Variants in GALNT9 observed in about 807,000 individuals in gnomAD.
GALNT9 encodes polypeptide N-acetylgalactosaminyltransferase 9.
GALNT9 carries 47 observed loss-of-function variants against 63.1 expected under a neutral mutation model. The observed-to-expected ratio is 0.75, with a 90% confidence interval of 0.59 to 0.95. GALNT9 has a LOEUF of 0.95. Ranked by LOEUF, GALNT9 falls within the 40% of genes least tolerant of loss-of-function variation. GALNT9 has a pLI of 0.00. For missense variants in GALNT9, 829 were observed against 874.8 expected (o/e 0.95, Z 0.66); for synonymous variants, 396 against 365.7 (o/e 1.08, Z -0.94).
At position 132,315,256 on chromosome 12, in the gene GALNT9, G is replaced by A. The variant is rs987102581; in HGVS notation, c.238+13710C>T. On this transcript the variant is annotated intron_variant, in intron 1 of 10. Coordinates refer to ENST00000328957, the MANE Select transcript of GALNT9 (RefSeq NM_001122636.2). This position sits in a 1 kb window ranked among gnomAD's most constrained non-coding sequence, Gnocchi z 6.1. ...TGGAGCCTCAGAATATAATCAGGGC[G>A]GCCTCCCCTGTGTCCACTGCAAAGT... Among the ~76,000 whole-genome samples, 1 of 132,480 alleles carries A rather than the reference G, an allele frequency of 7.5e-6. No individual in the cohort carries two copies. The highest frequency in any genetic ancestry group is 2.6e-4 in the South Asian group (1 of 3,798). 86.9% of individuals were successfully genotyped at this position (132,480 alleles called of 152,430 possible).
chr12:132,197,399 AG>A (rs930380091), intron 10 of GALNT9, 146 bp from the exon 11 acceptor site: 4 of 1,233,484 alleles, frequency 3.2e-6, no homozygotes, highest in South Asian at 1.5e-5. Context: ...AGCAGCACCC[AG>A]GGGGGCCGGG....
chr12:132,198,222 C>T (rs147806712), intron 9 of GALNT9, among the ~76,000 whole-genome samples: 2,638 of 152,330 alleles, frequency 0.017, 35 homozygotes, highest in Non-Finnish European at 0.028. Context: ...CCTGGACAGA[C>T]GTCATGAATG....
intron 1 of GALNT9, among the ~76,000 whole-genome samples, chr12:132,312,012 C>T (rs1881832076): frequency 1.3e-5 from 2 of 152,200 alleles, no homozygotes; most frequent in Admixed American, 6.5e-5. Context: ...GTCTCTCTCT[C>T]CCAGCTTCAA....
intron 1 of GALNT9, among the ~76,000 whole-genome samples, chr12:132,311,646 C>T (rs532314088): frequency 6.6e-6 from 1 of 152,334 alleles, no homozygotes; most frequent in East Asian, 1.9e-4. Flanking sequence ...CGTGGGACAG[C>T]GGGCCCTCCC....
chr12:132,300,879 C>T lies in GALNT9; in HGVS notation c.239-14449G>A, dbSNP rs112055684. Among the ~76,000 whole-genome samples, 241 of 152,366 alleles carry T rather than the reference C, an allele frequency of 1.6e-3. 2 individuals are homozygous for T. The highest frequency in any genetic ancestry group is 5.0e-3 in the African/African-American group (208 of 41,584). On this transcript the variant is annotated intron_variant, in intron 1 of 10. Coordinates refer to ENST00000328957, the MANE Select transcript of GALNT9 (RefSeq NM_001122636.2). ...ACTCACTCCCATAACTAACCCACTC[C>T]CACATTAAGGGCATTAACCCCTTGG...
chr12:132,329,257 C>CG lies in GALNT9; in HGVS notation c.-55dup. On this transcript the variant is annotated 5_prime_UTR_variant, in exon 1 of 11. The change abolishes the stop of an existing upstream ORF in the 5' untranslated region. Coordinates refer to ENST00000328957, the MANE Select transcript of GALNT9 (RefSeq NM_001122636.2). ...GCGGGGCATCCCCAGCATCCCCGCC[C>CG]GGGCCTGGGCTTCAGCTTCGGCTTC... The CG allele has an allele frequency of 6.6e-7, 1 of 1,510,652 alleles. No homozygotes were observed. The highest frequency in any genetic ancestry group is 1.4e-5 in the African/African-American group (1 of 71,666). 93.6% of individuals were successfully genotyped at this position (1,510,652 alleles called of 1,614,324 possible).
At chr12:132,203,762 G>A (rs1025139143) in intron 6 of GALNT9, 72 bp from the exon 7 acceptor site, 22 of 1,514,470 alleles carry the variant, frequency 1.5e-5, no homozygotes, top group Non-Finnish European at 1.9e-5. Flanking sequence ...CTAGGGGCCC[G>A]TGAGAGGCCA....
At chr12:132,197,315 C>G in intron 10 of GALNT9, 62 bp from the exon 11 acceptor site, 2 of 1,582,182 alleles carry the variant, frequency 1.3e-6, no homozygotes, top group Non-Finnish European at 1.7e-6. Context: ...CTCCCCCCAC[C>G]TCAGGGAGGC....
chr12:132,219,703 AGGGG>A, intron 6 of GALNT9, among the ~76,000 whole-genome samples: 1 of 145,036 alleles, frequency 6.9e-6, no homozygotes, highest in African/African-American at 2.6e-5. Context: ...CGCCCGGGTA[AGGGG>A]AAGGGACACC....
rs903426999 is a variant in GALNT9 at position 132,200,915 on chromosome 12, G to A, written c.1401+209C>T. The A allele has an allele frequency of 1.2e-5, 7 of 571,512 alleles. No homozygotes were observed. In the Admixed American group the frequency reaches 2.0e-4, roughly 16 times the overall value. The allele number at this position is 571,512 out of a possible 1,614,324, so 35.4% of individuals were successfully genotyped here. On this transcript the variant is annotated intron_variant, in intron 8 of 10. Coordinates refer to ENST00000328957, the MANE Select transcript of GALNT9 (RefSeq NM_001122636.2). ...TTATGTGAACCTGCACCTTGTGTGTGCACGTGGATGTGCCTGCATCACCGT... is the reference window on the plus strand; with the variant it reads ...TTATGTGAACCTGCACCTTGTGTGTACACGTGGATGTGCCTGCATCACCGT...
intron 1 of GALNT9, among the ~76,000 whole-genome samples, chr12:132,318,426 T>C (rs1038795333): frequency 6.6e-6 from 1 of 152,002 alleles, no homozygotes; most frequent in Non-Finnish European, 1.5e-5. Context: ...CACCTGCCCT[T>C]CGTGACCCAG....
Position 132,282,308 on chromosome 12 carries a change from C to T in GALNT9, c.419+3942G>A, listed in dbSNP as rs996968309. Among the ~76,000 whole-genome samples, 2 of 152,256 alleles carry T rather than the reference C, an allele frequency of 1.3e-5. No individual in the cohort carries two copies. The highest frequency in any genetic ancestry group is 2.4e-5 in the African/African-American group (1 of 41,468). On this transcript the variant is annotated intron_variant, in intron 2 of 10. Coordinates refer to ENST00000328957, the MANE Select transcript of GALNT9 (RefSeq NM_001122636.2). This position sits in a 1 kb window ranked among gnomAD's most constrained non-coding sequence, Gnocchi z 4.5. ...AAGGCCAGGCCTGGGGTCCCACATC[C>T]CACAGAGGGGGAATCCAATGGGACC...
At chr12:132,231,000 A>G (rs990262905) in intron 6 of GALNT9, among the ~76,000 whole-genome samples, 2 of 145,094 alleles carry the variant, frequency 1.4e-5, no homozygotes, top group African/African-American at 5.1e-5. Flanking sequence ...GACAGAGGAG[A>G]CAGCGTGGAG....
At chr12:132,206,832 C>T (rs1326046632) in intron 6 of GALNT9, among the ~76,000 whole-genome samples, 6 of 152,116 alleles carry the variant, frequency 3.9e-5, no homozygotes, top group South Asian at 4.2e-4. Context: ...ACCCCGTGAA[C>T]GGGGACAATC....
intron 6 of GALNT9, among the ~76,000 whole-genome samples, chr12:132,237,595 C>G (rs1274097502): frequency 2.0e-5 from 3 of 148,394 alleles, no homozygotes; most frequent in Middle Eastern, 3.2e-3. Flanking sequence ...CTGCCAGTAA[C>G]TGCTCACACC....
intron 1 of GALNT9, among the ~76,000 whole-genome samples, chr12:132,292,449 C>G (rs1435138635): frequency 6.6e-6 from 1 of 152,214 alleles, no homozygotes; most frequent in Non-Finnish European, 1.5e-5. Context: ...GCTTCACGGG[C>G]TCTGCTGGGC....
Position 132,329,019 on chromosome 12 carries a change from G to T in GALNT9, c.185C>A (p.Ala62Asp). The change falls in exon 1 of 11, where the codon GCC (alanine) becomes GAC (aspartate). Residue 62 changes from alanine to aspartate, a missense_variant. By Grantham distance (126) the Ala-to-Asp change is moderately radical (BLOSUM62 -2). Transcript: ENST00000328957. ...AKVGTLGDREAILQRLDHLEE... is the reference protein window; with the variant it reads ...AKVGTLGDREDILQRLDHLEE... ...CAGGTGGTCCAGGCGCTGCAGGATG[G>T]CCTCACGGTCCCCCAGCGTGCCCAC... 6.5e-7 allele frequency: 1 copy of T among 1,543,962 alleles called. No individual in the cohort carries two copies.
chr12:132,328,283 G>T (rs1308158946), intron 1 of GALNT9, among the ~76,000 whole-genome samples: 1 of 152,168 alleles, frequency 6.6e-6, no homozygotes, highest in Non-Finnish European at 1.5e-5. Context: ...GGCTTTCATG[G>T]ATTCTGGGGC....
At position 132,197,060 on chromosome 12, in the gene GALNT9, G is replaced by C. The variant is rs374378324; in HGVS notation, c.*47C>G. 5.0e-6 allele frequency: 8 copies of C among 1,603,460 alleles called. No individual in the cohort carries two copies. The highest frequency in any genetic ancestry group is 6.8e-6 in the Non-Finnish European group (8 of 1,173,120). ...CCCGGTCACTCAGCCACACTGGCTC[G>C]GCCCAGCGCCTTCCCGAGGTCTGTG... On this transcript the variant is annotated 3_prime_UTR_variant, in exon 11 of 11. Transcript: ENST00000328957.
Sources: allele counts gnomAD v4.1 joint callset (sites outside exome capture counted in the v4.1 genomes callset), GRCh38; gene constraint gnomAD v4.1.1; non-coding constraint Gnocchi (gnomAD v3.1); transcripts MANE v1.5; gene names NCBI Gene and HGNC (gene_info 2026-07-23, HGNC 2026-07-21).